Variants in CFAP299 observed in about 807,000 individuals in gnomAD.
CFAP299 encodes the protein cilia and flagella associated protein 299.
In CFAP299, 21 loss-of-function variants were observed where a neutral mutation model predicts 27.0. That is an observed-to-expected ratio of 0.78 (90% CI 0.55 to 1.12). The LOEUF is 1.12. CFAP299 is among the 50% of genes most tolerant of loss of function. The probability of loss-of-function intolerance (pLI) is 0.00; values close to 1 mark genes in which losing one functional copy is unlikely to be tolerated. For synonymous variants in CFAP299, 104 were observed against 98.1 expected (o/e 1.06, Z -0.36); for missense variants, 310 against 276.6 (o/e 1.12, Z -0.86).
At chr4:80,916,096 T>C (rs954774139) in intron 4 of CFAP299, among the ~76,000 whole-genome samples, 12 of 151,008 alleles carry the variant, frequency 7.9e-5, no homozygotes, top group Non-Finnish European at 1.5e-5. Flanking sequence ...ATCCCATCTC[T>C]AATAAAAATA....
chr4:80,817,652 A>G (rs1043250029), intron 3 of CFAP299, among the ~76,000 whole-genome samples: 2 of 152,098 alleles, frequency 1.3e-5, no homozygotes, highest in Non-Finnish European at 2.9e-5. Context: ...CACATTTAGG[A>G]CAAATTTAGC....
At chr4:80,940,355 A>C (rs967015636) in intron 4 of CFAP299, among the ~76,000 whole-genome samples, 2 of 152,204 alleles carry the variant, frequency 1.3e-5, no homozygotes, top group African/African-American at 4.8e-5. Context: ...AGACTGGGGA[A>C]GCTAGGCCCT....
chr4:80,768,325 G>C (rs957681799), intron 3 of CFAP299, among the ~76,000 whole-genome samples: 2 of 152,074 alleles, frequency 1.3e-5, no homozygotes, highest in Non-Finnish European at 2.9e-5. Flanking sequence ...GTTTAAATTG[G>C]TTACCCTAAA....
intron 3 of CFAP299, among the ~76,000 whole-genome samples, chr4:80,721,126 C>T (rs1463002686): frequency 2.0e-5 from 3 of 151,804 alleles, no homozygotes; most frequent in Non-Finnish European, 2.9e-5. Flanking sequence ...CTTGAAGCAA[C>T]CTAATATACA....
intron 4 of CFAP299, among the ~76,000 whole-genome samples, chr4:80,917,919 C>G (rs897997975): frequency 2.6e-5 from 4 of 152,062 alleles, no homozygotes; most frequent in South Asian, 2.1e-4. Context: ...TAGAAATCAC[C>G]TACTCCAAAT....
intron 4 of CFAP299, among the ~76,000 whole-genome samples, chr4:80,943,767 C>A (rs1476961441): frequency 6.6e-6 from 1 of 151,896 alleles, no homozygotes; most frequent in African/African-American, 2.4e-5. Flanking sequence ...AGTTTCTGTA[C>A]AAAATATAAA....
At chr4:80,507,278 A>T (rs1412207875) in intron 2 of CFAP299, among the ~76,000 whole-genome samples, 1 of 152,152 alleles carries the variant, frequency 6.6e-6, no homozygotes, top group Non-Finnish European at 1.5e-5. Flanking sequence ...GACATTTCAG[A>T]GTGACAAGCC....
intron 3 of CFAP299, among the ~76,000 whole-genome samples, chr4:80,860,874 G>A (rs1399786806): frequency 6.6e-6 from 1 of 152,224 alleles, no homozygotes; most frequent in African/African-American, 2.4e-5. Flanking sequence ...GGACCCACTT[G>A]AGGAGGCAGT....
chr4:80,890,500 G>T (rs753645773), intron 4 of CFAP299, among the ~76,000 whole-genome samples: 101 of 152,132 alleles, frequency 6.6e-4, no homozygotes, highest in Non-Finnish European at 8.5e-4. Flanking sequence ...TTGCTATTGT[G>T]AATAGTGCCG....
chr4:80,692,493 T>C (rs1273903403), intron 3 of CFAP299, among the ~76,000 whole-genome samples: 2 of 152,228 alleles, frequency 1.3e-5, no homozygotes, highest in African/African-American at 4.8e-5. Context: ...GCTAGCCATA[T>C]GTAGAAAGCT....
chr4:80,538,428 T>C (rs1056584103), intron 2 of CFAP299, among the ~76,000 whole-genome samples: 1 of 152,026 alleles, frequency 6.6e-6, no homozygotes, highest in African/African-American at 2.4e-5. Context: ...TGTATGTAAG[T>C]CTAAGTATTA....
intron 3 of CFAP299, among the ~76,000 whole-genome samples, chr4:80,639,189 G>A (rs1739599469): frequency 6.6e-6 from 1 of 152,112 alleles, no homozygotes; most frequent in African/African-American, 2.4e-5. Context: ...GCTGCACTAG[G>A]CATAAGTAAG....
intron 2 of CFAP299, among the ~76,000 whole-genome samples, chr4:80,441,454 T>C (rs956049777): frequency 2.6e-5 from 4 of 152,196 alleles, no homozygotes. Flanking sequence ...CCAGCCAAAC[T>C]AAGCTTCATA....
At chr4:80,375,946 GT>G (rs1724387243) in intron 2 of CFAP299, among the ~76,000 whole-genome samples, 1 of 152,176 alleles carries the variant, frequency 6.6e-6, no homozygotes, top group Non-Finnish European at 1.5e-5. Flanking sequence ...TTTATAATTC[GT>G]TTTTGAAAGT....
intron 4 of CFAP299, among the ~76,000 whole-genome samples, chr4:80,902,586 T>TATATAC (rs370673737): frequency 0.032 from 3,998 of 126,642 alleles, 105 homozygotes; most frequent in South Asian, 0.061. Context: ...ATGTAATATA[T>TATATAC]ACACACACAC....
At chr4:80,853,767 G>A (rs748852847) in intron 3 of CFAP299, among the ~76,000 whole-genome samples, 3 of 152,142 alleles carry the variant, frequency 2.0e-5, no homozygotes, top group Non-Finnish European at 4.4e-5. Context: ...GCATCAAGAA[G>A]AACCCCGAGG....
chr4:80,394,111 T>C (rs1171541975), intron 2 of CFAP299, among the ~76,000 whole-genome samples: 3 of 152,180 alleles, frequency 2.0e-5, no homozygotes, highest in Non-Finnish European at 4.4e-5. Flanking sequence ...TCCTCCATGA[T>C]TGTAAGTTTC....
intron 3 of CFAP299, among the ~76,000 whole-genome samples, chr4:80,623,568 T>C (rs899669198): frequency 2.0e-5 from 3 of 152,168 alleles, no homozygotes; most frequent in African/African-American, 4.8e-5. Flanking sequence ...AGTATCTGGC[T>C]GTAGCACAAT....
At chr4:80,694,713 A>G (rs569947754) in intron 3 of CFAP299, among the ~76,000 whole-genome samples, 124 of 152,320 alleles carry the variant, frequency 8.1e-4, no homozygotes, top group Non-Finnish European at 1.4e-3. Flanking sequence ...TTAAATGTCA[A>G]TTGTGGGTTA....
Sources: allele counts gnomAD v4.1 joint callset (sites outside exome capture counted in the v4.1 genomes callset), GRCh38; gene constraint gnomAD v4.1.1; transcripts MANE v1.5; gene names NCBI Gene and HGNC (gene_info 2026-07-23, HGNC 2026-07-21).